CTNND2: variants seen among roughly 807,000 people sequenced by gnomAD.
The protein encoded by CTNND2 is catenin delta-2.
In CTNND2, 22 loss-of-function variants were observed where a neutral mutation model predicts 144.4. The observed-to-expected ratio is 0.15, with a 90% CI of 0.11 to 0.22. The LOEUF is 0.22. Ranked by LOEUF, CTNND2 falls within the 10% of genes least tolerant of loss-of-function variation. CTNND2 has a pLI of 1.00. For missense variants in CTNND2, 1,353 were observed against 1,618.8 expected, an observed-to-expected ratio of 0.84 and a Z score of 2.82; for synonymous variants, 751 against 695.6, an observed-to-expected ratio of 1.08 and a Z score of -1.25.
chr5:11,808,453 G>C (rs1792131078), intron 1 of CTNND2, among the ~76,000 whole-genome samples: 1 of 152,240 alleles, frequency 6.6e-6, no homozygotes, highest in East Asian at 1.9e-4. Flanking sequence ...CTTTCTCTGG[G>C]AATTCTTTAA....
intron 3 of CTNND2, among the ~76,000 whole-genome samples, chr5:11,468,989 A>G (rs571081555): frequency 6.6e-6 from 1 of 152,114 alleles, no homozygotes; most frequent in Non-Finnish European, 1.5e-5. Flanking sequence ...CAGGTCATAT[A>G]TAACTCTCTA....
intron 1 of CTNND2, among the ~76,000 whole-genome samples, chr5:11,847,504 G>A (rs1477459487): frequency 1.3e-5 from 2 of 151,902 alleles, no homozygotes; most frequent in African/African-American, 2.4e-5. Context: ...GCAGGTAATA[G>A]GACAGTTTGG....
At chr5:11,534,249 T>C (rs1243422481) in intron 3 of CTNND2, among the ~76,000 whole-genome samples, 1 of 152,198 alleles carries the variant, frequency 6.6e-6, no homozygotes, top group Non-Finnish European at 1.5e-5. Context: ...CAGCTTGTTG[T>C]AGGCACTAAA....
intron 2 of CTNND2, among the ~76,000 whole-genome samples, chr5:11,604,952 G>A (rs1343313100): frequency 6.6e-6 from 1 of 152,180 alleles, no homozygotes; most frequent in Non-Finnish European, 1.5e-5. Context: ...AGTTTGGTAT[G>A]TTGCAGAAAG....
intron 1 of CTNND2, among the ~76,000 whole-genome samples, chr5:11,896,995 T>C (rs1344770096): frequency 6.6e-6 from 1 of 152,180 alleles, no homozygotes; most frequent in Non-Finnish European, 1.5e-5. Context: ...CCTTCCTGCA[T>C]CAACCTTCCA....
chr5:11,226,273 C>T (rs779040397), intron 10 of CTNND2, among the ~76,000 whole-genome samples: 1 of 152,180 alleles, frequency 6.6e-6, no homozygotes, highest in Non-Finnish European at 1.5e-5. Flanking sequence ...TCCGAGGCTA[C>T]TTCTCAGAGA....
At chr5:11,173,689 C>A (rs1208481430) in intron 11 of CTNND2, among the ~76,000 whole-genome samples, 1 of 152,084 alleles carries the variant, frequency 6.6e-6, no homozygotes, top group Non-Finnish European at 1.5e-5. Context: ...TAACAAAGTA[C>A]AAGATAAATT....
chr5:11,466,289 A>G (rs907071166), intron 3 of CTNND2, among the ~76,000 whole-genome samples: 3 of 152,180 alleles, frequency 2.0e-5, no homozygotes, highest in African/African-American at 7.2e-5. Flanking sequence ...TTTTAAATAC[A>G]AAAGACTGTT....
chr5:11,265,698 A>ATTTTTTTTTTTT (rs5865929), intron 9 of CTNND2, among the ~76,000 whole-genome samples: 2 of 77,418 alleles, frequency 2.6e-5, no homozygotes. Context: ...TGTATTCTCT[A>ATTTTTTTTTTTT]TTTTTTTTTT....
At chr5:11,880,980 CACTACT>C (rs1195354772) in intron 1 of CTNND2, among the ~76,000 whole-genome samples, 2 of 141,686 alleles carry the variant, frequency 1.4e-5, no homozygotes, top group South Asian at 2.2e-4. Context: ...CTACCACTAC[CACTACT>C]ACTGCTACTA....
rs4318746 is a variant in CTNND2, at chr5:11,034,211, A to T, written c.2789-11232T>A. ...AGCATGATCTGTTTTATAAAAGATT[A>T]GGTTTGTTTCCTCAATTTTTAATAA... On this transcript the variant is annotated intron_variant, in intron 16 of 21. Transcript: ENST00000304623. Among the ~76,000 whole-genome samples, 20 of 152,294 alleles carry T rather than the reference A, an allele frequency of 1.3e-4. 1 individual carries two copies. The East Asian group carries it at 3.9e-3, about 29-fold the overall frequency.
chr5:11,893,389 T>A (rs1737144016), intron 1 of CTNND2, among the ~76,000 whole-genome samples: 1 of 152,192 alleles, frequency 6.6e-6, no homozygotes, highest in African/African-American at 2.4e-5. Context: ...GGTATATACA[T>A]CCAGAGCTTG....
At chr5:11,693,240 A>G (rs925531451) in intron 2 of CTNND2, among the ~76,000 whole-genome samples, 2 of 152,208 alleles carry the variant, frequency 1.3e-5, no homozygotes, top group African/African-American at 4.8e-5. Flanking sequence ...TGAATATGCC[A>G]GTACCTTGAT....
chr5:11,043,550 T>C (rs1744911000), intron 16 of CTNND2, among the ~76,000 whole-genome samples: 1 of 152,080 alleles, frequency 6.6e-6, no homozygotes, highest in Admixed American at 6.6e-5. Flanking sequence ...TAAGGTATGA[T>C]GAAATGAATA....
intron 2 of CTNND2, among the ~76,000 whole-genome samples, chr5:11,723,165 T>G: frequency 6.6e-6 from 1 of 152,218 alleles, no homozygotes; most frequent in Non-Finnish European, 1.5e-5. Context: ...TGTATTTTTA[T>G]GTTTTTTATG....
At chr5:11,837,742 G>A (rs570967109) in intron 1 of CTNND2, among the ~76,000 whole-genome samples, 34 of 151,748 alleles carry the variant, frequency 2.2e-4, no homozygotes, top group Non-Finnish European at 4.6e-4. Context: ...TTTTTCCTTC[G>A]AAAAAAACAA....
At position 11,324,252 on chromosome 5, in the gene CTNND2, C is replaced by T. The variant is rs749408589; in HGVS notation, c.1628+22120G>A. 3.3e-5 allele frequency among the ~76,000 whole-genome samples: 5 copies of T among 152,230 alleles called. No individual in the cohort carries two copies. The South Asian group carries it at 8.3e-4, about 25-fold the overall frequency. ...CATGTTTATATGCCAAGCAGCAAAA[C>T]GAGCCAAAACAATTAGAAATAATAA... On this transcript the variant is annotated intron_variant, in intron 9 of 21. Transcript: ENST00000304623.
At chr5:11,422,034 C>T (rs1762403697) in intron 3 of CTNND2, among the ~76,000 whole-genome samples, 1 of 152,158 alleles carries the variant, frequency 6.6e-6, no homozygotes, top group Non-Finnish European at 1.5e-5. Context: ...AGCCGCCCAA[C>T]AAAAGTTAAG....
At chr5:11,420,471 GA>G (rs2149852226) in intron 3 of CTNND2, among the ~76,000 whole-genome samples, 1 of 152,278 alleles carries the variant, frequency 6.6e-6, no homozygotes, top group East Asian at 1.9e-4. Context: ...GCCCTCCCAA[GA>G]ATAGCCATGG....
Sources: gnomAD v4.1 joint callset for allele counts (sites outside exome capture counted in the v4.1 genomes callset) on GRCh38, gnomAD v4.1.1 for gene constraint, MANE v1.5 for transcripts, NCBI Gene and HGNC (gene_info 2026-07-23, HGNC 2026-07-21) for gene names.